The following GSAP variants were observed in gnomAD, a reference collection of about 807,000 sequenced individuals.
GSAP encodes gamma-secretase-activating protein.
Under a neutral mutation model 131.7 loss-of-function variants are expected in GSAP, and 118 were observed. The ratio of observed to expected loss-of-function variants is 0.90; its 90% CI spans 0.77 to 1.04. GSAP has a LOEUF of 1.04. Ranked by LOEUF, GSAP falls within the 50% of genes least tolerant of loss-of-function variation. GSAP has a pLI of 0.00. For missense variants in GSAP, 1,019 were observed against 1,013.2 expected (o/e 1.01, Z -0.08); for synonymous variants, 381 against 363.4 (o/e 1.05, Z -0.55).
At chr7:77,329,035 A>C (rs1035019193) in intron 21 of GSAP, among the ~76,000 whole-genome samples, 21 of 152,060 alleles carry the variant, frequency 1.4e-4, no homozygotes, top group Admixed American at 1.4e-3. Context: ...AAATCAACCT[A>C]CTATTTGCCT....
intron 5 of GSAP, among the ~76,000 whole-genome samples, chr7:77,396,085 G>T (rs1326908209): frequency 6.6e-6 from 1 of 152,162 alleles, no homozygotes; most frequent in East Asian, 1.9e-4. Flanking sequence ...TGAAAAGCCA[G>T]TTCCACTGGA....
In GSAP at chr7:77,311,943, A is replaced by G. The variant is rs1794414967; in HGVS notation, c.2374-3T>C. 1.9e-6 allele frequency: 3 copies of G among 1,555,004 alleles called. No homozygotes were observed. Among genetic ancestry groups the G allele is most frequent in the Non-Finnish European group, 2.7e-6 (3 of 1,126,264 alleles). On this transcript the variant is annotated splice_polypyrimidine_tract_variant and splice_region_variant and intron_variant, in intron 29 of 30. Transcript: ENST00000257626. ...TTGTTAATCATAGAATTCCGAGGCT[A>G]AAAGGGAAACCACTTCTGGTGTAAG...
At chr7:77,392,224 G>GA (rs113720613) in intron 5 of GSAP, among the ~76,000 whole-genome samples, 2,437 of 127,502 alleles carry the variant, frequency 0.019, 60 homozygotes, top group African/African-American at 0.057. Context: ...TCCATCTCAG[G>GA]AAAAAAAAAA....
intron 14 of GSAP, among the ~76,000 whole-genome samples, chr7:77,358,441 T>C (rs776472753): frequency 7.9e-5 from 12 of 152,238 alleles, no homozygotes; most frequent in Non-Finnish European, 1.8e-4. Context: ...AGATCTTATA[T>C]GGAGAAGAAA....
At position 77,382,632 on chromosome 7, in the gene GSAP, T is replaced by C; in HGVS notation, c.468A>G (p.Pro156=). ...DSYIWVQFLY[P]HIESHPLPEN... Reference sequence around the variant, plus strand: ...CTGGAAGAGGATGACTTTCAATATGTGGGTAGAGAAACTGTAAAAAAGAAA... The same window carrying C: ...CTGGAAGAGGATGACTTTCAATATGCGGGTAGAGAAACTGTAAAAAAGAAA... The change falls in exon 7 of 31, where the codon CCA becomes CCG. Residue 156 remains proline, a synonymous_variant. Coordinates refer to ENST00000257626, the MANE Select transcript of GSAP (RefSeq NM_017439.4). The C allele has an allele frequency of 6.5e-7, 1 of 1,545,466 alleles. No homozygotes were observed. Among genetic ancestry groups the C allele is most frequent in the Non-Finnish European group, 8.9e-7 (1 of 1,117,748 alleles).
intron 19 of GSAP, among the ~76,000 whole-genome samples, chr7:77,331,511 G>GA (rs1789150787): frequency 6.6e-6 from 1 of 152,036 alleles, no homozygotes; most frequent in Non-Finnish European, 1.5e-5. Context: ...TGAACTGCAA[G>GA]AAAAATAAGA....
chr7:77,397,759 A>C (rs10267936), intron 3 of GSAP, among the ~76,000 whole-genome samples: 18,824 of 152,102 alleles, frequency 0.12, 1,683 homozygotes, highest in East Asian at 0.41. Flanking sequence ...CTATCCCCCC[A>C]TTGGTAAAAT....
chr7:77,402,815 T>G (rs1233738787), intron 3 of GSAP, among the ~76,000 whole-genome samples: 1 of 152,010 alleles, frequency 6.6e-6, no homozygotes, highest in Non-Finnish European at 1.5e-5. Context: ...AGTTTAAATT[T>G]CCTATTAATT....
chr7:77,362,785 C>T, intron 12 of GSAP, 125 bp from the exon 13 acceptor site: 1 of 630,764 alleles, frequency 1.6e-6, no homozygotes, highest in East Asian at 2.7e-5. Flanking sequence ...ATAGATTATT[C>T]CCAAGTCCTA....
chr7:77,354,209 G>A (rs1411931379), intron 16 of GSAP, among the ~76,000 whole-genome samples: 2 of 152,106 alleles, frequency 1.3e-5, no homozygotes, highest in South Asian at 2.1e-4. Context: ...GCCTAACCAT[G>A]GTGCACACTT....
chr7:77,400,866 A>G (rs1801195258), intron 3 of GSAP, among the ~76,000 whole-genome samples: 1 of 152,224 alleles, frequency 6.6e-6, no homozygotes, highest in South Asian at 2.1e-4. Context: ...CAAACGAAAA[A>G]AAGTCTCAGC....
At chr7:77,368,979 C>T (rs575134133) in intron 12 of GSAP, among the ~76,000 whole-genome samples, 1 of 152,238 alleles carries the variant, frequency 6.6e-6, no homozygotes, top group South Asian at 2.1e-4. Context: ...CGTTGGCTAG[C>T]CTTGGGGAAA....
chr7:77,335,590 A>C (rs1789861764), intron 19 of GSAP, among the ~76,000 whole-genome samples: 1 of 152,152 alleles, frequency 6.6e-6, no homozygotes, highest in African/African-American at 2.4e-5. Context: ...TACATTAAGG[A>C]ATTGTTTCCC....
intron 12 of GSAP, among the ~76,000 whole-genome samples, chr7:77,371,100 A>T (rs570935995): frequency 2.0e-4 from 29 of 147,912 alleles, no homozygotes; most frequent in Admixed American, 1.5e-3. Context: ...ATTCATTGCC[A>T]GTCTTGACCC....
At chr7:77,387,509 A>G in intron 5 of GSAP, 61 bp from the exon 6 acceptor site, 1 of 894,554 alleles carries the variant, frequency 1.1e-6, no homozygotes, top group East Asian at 2.4e-5. Flanking sequence ...ATTTTTTCCA[A>G]AGCAAGGAGT....
intron 14 of GSAP, among the ~76,000 whole-genome samples, chr7:77,356,416 C>T (rs770377691): frequency 5.9e-5 from 9 of 152,124 alleles, no homozygotes; most frequent in Non-Finnish European, 7.4e-5. Context: ...CTGCCAGTTT[C>T]GGGAAGCTCT....
At chr7:77,330,930 A>G (rs1789046786) in intron 19 of GSAP, 1 of 862,156 alleles carries the variant, frequency 1.2e-6, no homozygotes, top group Non-Finnish European at 1.4e-6. Context: ...TTCTATCTAG[A>G]TCTTTGAATT....
chr7:77,341,488 C>T (rs948039306), intron 19 of GSAP, among the ~76,000 whole-genome samples: 1 of 152,224 alleles, frequency 6.6e-6, no homozygotes, highest in African/African-American at 2.4e-5. Context: ...CCAACAATTT[C>T]CTCTTAAAGA....
At chr7:77,395,537 G>A (rs1800226917) in intron 5 of GSAP, among the ~76,000 whole-genome samples, 2 of 152,182 alleles carry the variant, frequency 1.3e-5, no homozygotes, top group African/African-American at 4.8e-5. Context: ...ACTGGGAAAA[G>A]GAGGACATGG....
Sources: allele counts gnomAD v4.1 joint callset (sites outside exome capture counted in the v4.1 genomes callset), GRCh38; gene constraint gnomAD v4.1.1; transcripts MANE v1.5; gene names NCBI Gene and HGNC (gene_info 2026-07-23, HGNC 2026-07-21).